GRIK3: variants seen among roughly 807,000 people sequenced by gnomAD.
GRIK3 encodes glutamate receptor ionotropic, kainate 3.
In GRIK3, 29 loss-of-function variants were observed where a neutral mutation model predicts 102.5. That is an observed-to-expected ratio of 0.28 (90% CI 0.21 to 0.39). The LOEUF (loss-of-function observed/expected upper bound fraction) is 0.39, where lower values mean the gene tolerates loss of function less well. GRIK3 is among the 10% of genes least tolerant of loss of function. The pLI, the probability that GRIK3 is intolerant of heterozygous loss-of-function variation, is 1.00. For synonymous variants in GRIK3, 511 were observed against 504.9 expected (o/e 1.01, Z -0.16); for missense variants, 908 against 1,252.4 (o/e 0.73, Z 4.15).
chr1:36,828,136 A>G (rs2993074), intron 10 of GRIK3, among the ~76,000 whole-genome samples: 2,486 of 151,500 alleles, frequency 0.016, 66 homozygotes, highest in African/African-American at 0.054. Context: ...AGTCCCTGGT[A>G]TCATGGAGCT....
intron 11 of GRIK3, among the ~76,000 whole-genome samples, chr1:36,824,307 C>A (rs901508568): frequency 6.6e-6 from 1 of 152,192 alleles, no homozygotes; most frequent in African/African-American, 2.4e-5. Flanking sequence ...AATCATGCTG[C>A]GAGCTCTGGA....
chr1:36,892,515 C>CAA (rs11375993), intron 1 of GRIK3, among the ~76,000 whole-genome samples: 7,528 of 140,808 alleles, frequency 0.053, 320 homozygotes, highest in African/African-American at 0.12. Flanking sequence ...ATGACCAGCA[C>CAA]AAAAAAAAAA....
At chr1:36,949,870 C>G (rs1189291587) in intron 1 of GRIK3, among the ~76,000 whole-genome samples, 3 of 152,148 alleles carry the variant, frequency 2.0e-5, no homozygotes, top group African/African-American at 7.2e-5. Flanking sequence ...TAAGCCACCA[C>G]GCCTGGCCCT....
chr1:36,994,758 C>T (rs1046801099), intron 1 of GRIK3, among the ~76,000 whole-genome samples: 5 of 152,170 alleles, frequency 3.3e-5, no homozygotes, highest in African/African-American at 1.2e-4. Flanking sequence ...AGCTGTCACA[C>T]CACCCTGGGC....
intron 7 of GRIK3, among the ~76,000 whole-genome samples, chr1:36,854,009 A>G (rs62624496): frequency 0.015 from 2,345 of 152,198 alleles, 32 homozygotes; most frequent in Middle Eastern, 0.041. Flanking sequence ...GGGAAGGGGG[A>G]GCCCATGTCA....
At chr1:36,829,967 C>T (rs1642797736) in intron 10 of GRIK3, among the ~76,000 whole-genome samples, 1 of 152,212 alleles carries the variant, frequency 6.6e-6, no homozygotes, top group South Asian at 2.1e-4. Flanking sequence ...AGGGGTCCTC[C>T]CAAGGGTCTG....
intron 1 of GRIK3, among the ~76,000 whole-genome samples, chr1:37,029,728 G>A (rs1557469640): frequency 6.6e-6 from 1 of 152,228 alleles, no homozygotes; most frequent in Non-Finnish European, 1.5e-5. Context: ...GGAACGTGGG[G>A]ATTCAGGAAG....
At chr1:37,014,759 G>A (rs1642635087) in intron 1 of GRIK3, among the ~76,000 whole-genome samples, 1 of 152,200 alleles carries the variant, frequency 6.6e-6, no homozygotes, top group Non-Finnish European at 1.5e-5. Context: ...CATTTTGACC[G>A]TGAGGATGCT....
intron 1 of GRIK3, among the ~76,000 whole-genome samples, chr1:36,931,203 CTT>C (rs1172406166): frequency 1.3e-5 from 2 of 152,182 alleles, no homozygotes; most frequent in Admixed American, 1.3e-4. Flanking sequence ...TGAGATGACT[CTT>C]AATAAAAGCA....
At chr1:37,033,500 C>T (rs926394510) in intron 1 of GRIK3, among the ~76,000 whole-genome samples, 3 of 152,174 alleles carry the variant, frequency 2.0e-5, no homozygotes, top group Admixed American at 6.5e-5. Flanking sequence ...GACCGGCTGC[C>T]CTCGTCATGC....
intron 10 of GRIK3, among the ~76,000 whole-genome samples, chr1:36,828,104 TA>T (rs1642775154): frequency 6.7e-6 from 1 of 148,706 alleles, no homozygotes; most frequent in African/African-American, 2.5e-5. Context: ...AGGGAGGGTG[TA>T]GAGTGGTGAG....
At chr1:36,929,615 T>C (rs1641565992) in intron 1 of GRIK3, among the ~76,000 whole-genome samples, 1 of 152,200 alleles carries the variant, frequency 6.6e-6, no homozygotes, top group Non-Finnish European at 1.5e-5. Context: ...TTCTAGTTTT[T>C]TTCCTCAGTG....
intron 10 of GRIK3, among the ~76,000 whole-genome samples, chr1:36,828,229 C>T (rs1286962572): frequency 6.6e-6 from 1 of 152,084 alleles, no homozygotes; most frequent in Non-Finnish European, 1.5e-5. Flanking sequence ...TGAAAGGTTC[C>T]TTTCAGTCCT....
intron 8 of GRIK3, among the ~76,000 whole-genome samples, chr1:36,853,158 A>T (rs1426130521): frequency 2.0e-5 from 3 of 152,212 alleles, no homozygotes; most frequent in African/African-American, 7.2e-5. Flanking sequence ...TCTTTGCTTA[A>T]ATGTCTCCAG....
chr1:36,942,131 T>C (rs1641727532), intron 1 of GRIK3, among the ~76,000 whole-genome samples: 1 of 152,190 alleles, frequency 6.6e-6, no homozygotes, highest in African/African-American at 2.4e-5. Flanking sequence ...GAAAATCCCA[T>C]GGACTTGACA....
chr1:36,803,033 T>G (rs1425687801), intron 15 of GRIK3, among the ~76,000 whole-genome samples: 1 of 152,064 alleles, frequency 6.6e-6, no homozygotes, highest in African/African-American at 2.4e-5. Flanking sequence ...TCAGGGAGCT[T>G]GCGGTCTAAC....
chr1:36,848,654 C>G (rs1640545840), intron 9 of GRIK3, among the ~76,000 whole-genome samples: 1 of 151,826 alleles, frequency 6.6e-6, no homozygotes, highest in Non-Finnish European at 1.5e-5. Context: ...ATTTTGTTCT[C>G]TTTTTAACCC....
chr1:36,806,048 T>C lies in GRIK3; in HGVS notation c.2314+56A>G. On this transcript the variant is annotated intron_variant, in intron 14 of 15. Transcript: ENST00000373091. The surrounding 1 kb of genome is among the most constrained non-coding windows in gnomAD (Gnocchi z 4.0). ...GACGGAGTGTGAGGGGACGCGGGGG[T>C]GGAGCCCTCCCTCTGCCCACACACC... 1 of 1,191,534 alleles carries C rather than the reference T, an allele frequency of 8.4e-7. No homozygotes were observed. The highest frequency in any genetic ancestry group is 1.3e-5 in the South Asian group (1 of 75,720). The allele number at this position is 1,191,534 out of a possible 1,614,324, so 73.8% of individuals were successfully genotyped here.
Position 36,863,194 on chromosome 1 carries a change from C to G in GRIK3, c.787-3177G>C, listed in dbSNP as rs1189136431. On this transcript the variant is annotated intron_variant, in intron 5 of 15. Coordinates refer to ENST00000373091, the MANE Select transcript of GRIK3 (RefSeq NM_000831.4). ...TGTAACTGGGGAGTGACAGAGTCAA[C>G]ACCAGGCTACCCAGCTCCAGAGCCC... is the stretch of plus-strand genomic sequence containing the variant. Among the ~76,000 whole-genome samples, 3 of 152,156 alleles carry G rather than the reference C, an allele frequency of 2.0e-5. No homozygotes were observed. In the East Asian group the frequency reaches 5.8e-4, roughly 29 times the overall value.
Sources: gnomAD v4.1 joint callset for allele counts (sites outside exome capture counted in the v4.1 genomes callset) on GRCh38, gnomAD v4.1.1 for gene constraint, Gnocchi (gnomAD v3.1) non-coding constraint, MANE v1.5 for transcripts, NCBI Gene and HGNC (gene_info 2026-07-23, HGNC 2026-07-21) for gene names.